The following PTPRG variants were observed in gnomAD, a reference collection of about 807,000 sequenced individuals.
PTPRG encodes the protein protein tyrosine phosphatase receptor type G, also known as receptor-type tyrosine-protein phosphatase gamma.
A neutral mutation model predicts 165.3 loss-of-function variants in PTPRG; 102 were observed. The observed-to-expected ratio is 0.62, with a 90% CI of 0.53 to 0.73. The LOEUF is 0.73. Among genes scored for constraint, PTPRG ranks in the 30% least tolerant of loss-of-function variants. The pLI is 0.00. For missense variants in PTPRG, 1,866 were observed against 1,861.4 expected, an observed-to-expected ratio of 1.00 and a Z score of -0.05; for synonymous variants, 675 against 669.5, an observed-to-expected ratio of 1.01 and a Z score of -0.13.
intron 1 of PTPRG, among the ~76,000 whole-genome samples, chr3:61,650,897 CTACCAA>C (rs1031702115): frequency 9.2e-5 from 14 of 152,124 alleles, no homozygotes; most frequent in African/African-American, 3.4e-4. Flanking sequence ...CTAATTTTTA[CTACCAA>C]TAAAAGTTTT....
intron 5 of PTPRG, among the ~76,000 whole-genome samples, chr3:62,104,596 G>A (rs1485198285): frequency 6.6e-6 from 1 of 152,202 alleles, no homozygotes; most frequent in Non-Finnish European, 1.5e-5. Flanking sequence ...AGCAATTTCA[G>A]TGTCCAGTGG....
At chr3:61,838,027 C>T (rs905034374) in intron 2 of PTPRG, among the ~76,000 whole-genome samples, 4 of 152,204 alleles carry the variant, frequency 2.6e-5, no homozygotes, top group Non-Finnish European at 4.4e-5. Context: ...AAAACCCTGT[C>T]TCCAAATACA....
intron 1 of PTPRG, among the ~76,000 whole-genome samples, chr3:61,672,733 GGGGAGAGGGAGA>G (rs150569166): frequency 0.029 from 3,420 of 118,870 alleles, 177 homozygotes; most frequent in African/African-American, 0.1. Flanking sequence ...GGGAGACTGT[GGGGAGAGGGAGA>G]GGGAGAGGGA....
chr3:62,067,721 C>T (rs377492691), intron 4 of PTPRG, among the ~76,000 whole-genome samples: 20 of 152,164 alleles, frequency 1.3e-4, no homozygotes, highest in Admixed American at 2.0e-4. Flanking sequence ...ATAGGGTTTA[C>T]GCTCCTGTGA....
intron 14 of PTPRG, among the ~76,000 whole-genome samples, chr3:62,231,835 A>T (rs527883586): frequency 0.013 from 1,888 of 148,262 alleles, 36 homozygotes; most frequent in African/African-American, 0.041. Context: ...TTTTTTTTTT[A>T]AAAAAAGGAA....
chr3:61,603,106 G>A (rs568257697), intron 1 of PTPRG, among the ~76,000 whole-genome samples: 4 of 152,280 alleles, frequency 2.6e-5, no homozygotes, highest in Admixed American at 1.3e-4. Context: ...ATGGAAATCA[G>A]CAAACACTAT....
At chr3:62,155,087 G>A (rs1035458724) in intron 6 of PTPRG, among the ~76,000 whole-genome samples, 6 of 152,330 alleles carry the variant, frequency 3.9e-5, no homozygotes, top group East Asian at 1.9e-4. Context: ...GCCAGTGGGC[G>A]GAGGGGCAAT....
intron 8 of PTPRG, among the ~76,000 whole-genome samples, chr3:62,185,756 T>A (rs1293223482): frequency 1.3e-5 from 2 of 152,244 alleles, no homozygotes; most frequent in African/African-American, 4.8e-5. Context: ...TGTGTCCACG[T>A]ACTTGCCATT....
rs553952379 is a variant in PTPRG at position 61,756,050 on chromosome 3, G to A, written c.190+7068G>A. The stretch of plus-strand genomic sequence containing the variant: ...TTATCGTTTGTACAAGGAGGAGAAG[G>A]CAAAATGAATTGTTGTCCCCAAGAT... On this transcript the variant is annotated intron_variant, in intron 2 of 29. Transcript: ENST00000474889. Among the ~76,000 whole-genome samples the A allele has an allele frequency of 2.2e-4, 34 of 152,016 alleles. No homozygotes were observed. The South Asian group carries it at 7.1e-3, about 32-fold the overall frequency.
rs1176767961 is a variant in PTPRG, at chr3:62,195,915, G to A, written c.1327+745G>A. ...TTCAAGTGATGCCTCAGCCTCCTGAGTAGCTGGGATTACAGGCACCTGCCA... is the reference window on the plus strand; with the variant it reads ...TTCAAGTGATGCCTCAGCCTCCTGAATAGCTGGGATTACAGGCACCTGCCA... On this transcript the variant is annotated intron_variant, in intron 10 of 29. Transcript: ENST00000474889. This position sits in a 1 kb window ranked among gnomAD's most constrained non-coding sequence, Gnocchi z 4.4. Among the ~76,000 whole-genome samples the A allele has an allele frequency of 6.6e-6, 1 of 151,914 alleles. No individual in the cohort carries two copies. The highest frequency in any genetic ancestry group is 1.5e-5 in the Non-Finnish European group (1 of 67,990).
At chr3:61,866,901 TG>T (rs1479893716) in intron 2 of PTPRG, among the ~76,000 whole-genome samples, 2 of 152,136 alleles carry the variant, frequency 1.3e-5, no homozygotes, top group African/African-American at 4.8e-5. Flanking sequence ...CCGGCCAAAG[TG>T]GTTGCTTTTA....
At chr3:62,147,677 A>G (rs913959043) in intron 6 of PTPRG, among the ~76,000 whole-genome samples, 1 of 152,178 alleles carries the variant, frequency 6.6e-6, no homozygotes, top group African/African-American at 2.4e-5. Context: ...ACCAATAGCT[A>G]CTGTGCTTGT....
At chr3:61,982,638 A>G (rs2040666637) in intron 2 of PTPRG, among the ~76,000 whole-genome samples, 2 of 152,174 alleles carry the variant, frequency 1.3e-5, no homozygotes, top group South Asian at 4.1e-4. Context: ...TCTGTGGCTC[A>G]GAACTAAAAG....
At chr3:62,182,237 C>A (rs1192090584) in intron 8 of PTPRG, among the ~76,000 whole-genome samples, 1 of 152,078 alleles carries the variant, frequency 6.6e-6, no homozygotes, top group Non-Finnish European at 1.5e-5. Flanking sequence ...TATAAATTGA[C>A]CCATGCAGTT....
In PTPRG at chr3:61,621,685, T is replaced by C. The variant is rs546532251; in HGVS notation, c.85+59313T>C. On this transcript the variant is annotated intron_variant, in intron 1 of 29. Transcript: ENST00000474889. ...ATCCTCTCAGGTCAGTTGGAGTTTG[T>C]GGGCTAAGAGTATGAGATTTGAAGT... Among the ~76,000 whole-genome samples, 5 of 152,324 alleles carry C rather than the reference T, an allele frequency of 3.3e-5. No homozygotes were observed. In the South Asian group the frequency reaches 8.3e-4, roughly 25 times the overall value.
At chr3:62,082,732 A>G (rs1701622849) in intron 5 of PTPRG, among the ~76,000 whole-genome samples, 1 of 152,246 alleles carries the variant, frequency 6.6e-6, no homozygotes, top group Admixed American at 6.5e-5. Flanking sequence ...TAAAAGGTGA[A>G]GAGCCAGGTC....
At position 62,132,582 on chromosome 3, in the gene PTPRG, C is replaced by G; in HGVS notation, c.616-20C>G. The G allele has an allele frequency of 1.9e-6, 3 of 1,572,424 alleles. No individual in the cohort carries two copies. The highest frequency in any genetic ancestry group is 2.6e-6 in the Non-Finnish European group (3 of 1,142,072). Reference sequence around the variant, plus strand: ...TGATGCCAGAATAGATTTAACCAATCATGTTTCCTTTACATTTAGGTCAGT... The same window carrying G: ...TGATGCCAGAATAGATTTAACCAATGATGTTTCCTTTACATTTAGGTCAGT... On this transcript the variant is annotated intron_variant, in intron 5 of 29. Coordinates refer to ENST00000474889, the MANE Select transcript of PTPRG (RefSeq NM_002841.4).
At chr3:62,001,213 G>A (rs1575872032) in intron 3 of PTPRG, among the ~76,000 whole-genome samples, 2 of 152,308 alleles carry the variant, frequency 1.3e-5, no homozygotes, top group East Asian at 3.9e-4. Context: ...GGGGTGGGTG[G>A]ACATGTAACA....
At chr3:62,165,569 T>G (rs2106725428) in intron 7 of PTPRG, among the ~76,000 whole-genome samples, 1 of 150,792 alleles carries the variant, frequency 6.6e-6, no homozygotes, top group Non-Finnish European at 1.5e-5. Flanking sequence ...AGATGCTACC[T>G]AGAGACACTA....
Sources: allele counts gnomAD v4.1 joint callset (sites outside exome capture counted in the v4.1 genomes callset), GRCh38; gene constraint gnomAD v4.1.1; non-coding constraint Gnocchi (gnomAD v3.1); transcripts MANE v1.5; gene names NCBI Gene and HGNC (gene_info 2026-07-23, HGNC 2026-07-21).